Variants in KCNMA1 observed in about 807,000 individuals in gnomAD.
KCNMA1 encodes Calcium-activated potassium channel subunit alpha-1.
KCNMA1 carries 29 observed loss-of-function variants against 140.0 expected under a neutral mutation model. The ratio of observed to expected loss-of-function variants is 0.21; its 90% confidence interval spans 0.15 to 0.28. The LOEUF (loss-of-function observed/expected upper bound fraction) is 0.28. KCNMA1 is among the 10% of genes least tolerant of loss of function. The pLI is 1.00. For missense variants in KCNMA1, 880 were observed against 1,602.2 expected (o/e 0.55, Z 7.70); for synonymous variants, 612 against 611.9 (o/e 1.00, Z 0.00).
At chr10:77,175,314 G>T (rs1482990426) in intron 5 of KCNMA1, among the ~76,000 whole-genome samples, 3 of 152,196 alleles carry the variant, frequency 2.0e-5, no homozygotes, top group Non-Finnish European at 2.9e-5. Context: ...CTTGGGCTAT[G>T]AATATTTACT....
At chr10:77,263,364 T>C (rs188805550) in intron 2 of KCNMA1, among the ~76,000 whole-genome samples, 49 of 152,298 alleles carry the variant, frequency 3.2e-4, no homozygotes, top group African/African-American at 1.2e-3. Context: ...TCGGTAACTG[T>C]AGCTAAAGTC....
intron 1 of KCNMA1, among the ~76,000 whole-genome samples, chr10:77,529,317 A>T (rs1225225270): frequency 6.6e-6 from 1 of 151,222 alleles, no homozygotes; most frequent in Admixed American, 6.6e-5. Context: ...CCAGGAGTGC[A>T]GCCCCTGCCA....
At chr10:77,504,392 G>C (rs974796114) in intron 1 of KCNMA1, among the ~76,000 whole-genome samples, 1 of 152,082 alleles carries the variant, frequency 6.6e-6, no homozygotes, top group Non-Finnish European at 1.5e-5. Flanking sequence ...CCATGGAGTG[G>C]GAAGGCAGTG....
chr10:77,138,118 C>T (rs1436552877), intron 5 of KCNMA1, among the ~76,000 whole-genome samples: 2 of 152,192 alleles, frequency 1.3e-5, no homozygotes, highest in South Asian at 2.1e-4. Flanking sequence ...GCTTCCACCA[C>T]CCCTTGTGGT....
intron 12 of KCNMA1, among the ~76,000 whole-genome samples, chr10:77,083,821 C>T (rs916829546): frequency 1.5e-4 from 18 of 120,140 alleles, no homozygotes; most frequent in Non-Finnish European, 2.7e-4. Context: ...GGCGATAGTG[C>T]GAGACTCTGT....
chr10:77,012,196 A>T, intron 17 of KCNMA1, 153 bp from the exon 18 acceptor site: 6 of 1,516,394 alleles, frequency 4.0e-6, no homozygotes, highest in Non-Finnish European at 5.3e-6. Context: ...GCAGACGGAA[A>T]TGTTTGTTGC....
intron 5 of KCNMA1, among the ~76,000 whole-genome samples, chr10:77,177,456 CT>C (rs1033124708): frequency 4.0e-5 from 6 of 148,610 alleles, no homozygotes; most frequent in African/African-American, 1.5e-4. Flanking sequence ...TTTCCTTCCT[CT>C]TTCTCTGTTT....
intron 1 of KCNMA1, among the ~76,000 whole-genome samples, chr10:77,508,623 TC>T (rs2047161335): frequency 1.4e-5 from 2 of 143,752 alleles, no homozygotes; most frequent in African/African-American, 2.6e-5. Flanking sequence ...TCCCTCTCTC[TC>T]TCTTTTTTTC....
rs45527834 is a variant in KCNMA1, at chr10:76,891,672, G to A, written c.3195C>T (p.Thr1065=). The A allele has an allele frequency of 7.9e-3, 12,695 of 1,614,022 alleles. 72 individuals are homozygous for A. The highest frequency in any genetic ancestry group is 9.3e-3 in the Non-Finnish European group (10,934 of 1,179,972). The stretch of plus-strand genomic sequence containing the variant: ...CCTCCAGCTCCGGCGTGGCTCCTCC[G>A]GTCACCAGGGTCCGTATCAGGGTGA... ...NILTLIRTLV[T]GGATPELEAL... is the part of the protein sequence containing the mutation. Residue 1065 remains threonine (T), a synonymous_variant, in exon 26 of 28, where the codon ACC becomes ACT. Transcript: ENST00000286628.
chr10:77,382,885 AATAT>A lies in KCNMA1; in HGVS notation c.540+20973_540+20976del, dbSNP rs1217045657. ...CGTCTCAAAAAAAAAAAAAAAAAAA[AATAT>A]ATATATATATATATACACACACACA... On this transcript the variant is annotated intron_variant, in intron 2 of 27. Coordinates refer to ENST00000286628, the MANE Select transcript of KCNMA1 (RefSeq NM_001161352.2). 6.9e-3 allele frequency among the ~76,000 whole-genome samples: 631 copies of A among 91,202 alleles called. 42 individuals are homozygous for A. Among genetic ancestry groups the A allele is most frequent in the Middle Eastern group, 0.034 (4 of 118 alleles). The allele number at this position is 91,202 out of a possible 152,430, so 59.8% of individuals were successfully genotyped here. A position where few individuals can be genotyped will look rare whatever the true frequency, so the allele number is the denominator to read the frequency against.
chr10:77,467,354 G>A (rs563764045), intron 1 of KCNMA1, among the ~76,000 whole-genome samples: 8 of 152,308 alleles, frequency 5.3e-5, no homozygotes, highest in East Asian at 3.9e-4. Flanking sequence ...TGGAAAGTCC[G>A]TCTCCGAAGC....
chr10:77,123,131 G>A (rs1233028198), intron 5 of KCNMA1, among the ~76,000 whole-genome samples: 1 of 129,548 alleles, frequency 7.7e-6, no homozygotes, highest in Non-Finnish European at 1.6e-5. Context: ...AGTAAGCCGA[G>A]ATCGCGCCAC....
intron 2 of KCNMA1, among the ~76,000 whole-genome samples, chr10:77,339,303 C>A (rs555988358): frequency 6.6e-6 from 1 of 152,200 alleles, no homozygotes; most frequent in Non-Finnish European, 1.5e-5. Context: ...TTCTGCCAAA[C>A]CCACATTTCT....
chr10:77,179,072 C>T (rs2098779957), intron 5 of KCNMA1, among the ~76,000 whole-genome samples: 1 of 152,064 alleles, frequency 6.6e-6, no homozygotes, highest in Admixed American at 6.6e-5. Flanking sequence ...AAAGAGAGAC[C>T]GAGGTAATCC....
intron 5 of KCNMA1, among the ~76,000 whole-genome samples, chr10:77,141,597 G>A (rs1447114064): frequency 6.6e-6 from 1 of 152,206 alleles, no homozygotes; most frequent in Non-Finnish European, 1.5e-5. Flanking sequence ...TCAGAACTGT[G>A]AGAAAATAAA....
At chr10:77,033,387 T>A (rs2094088007) in intron 15 of KCNMA1, among the ~76,000 whole-genome samples, 1 of 151,926 alleles carries the variant, frequency 6.6e-6, no homozygotes. Context: ...AGTGGGAAGG[T>A]TTCAGAATAT....
intron 15 of KCNMA1, among the ~76,000 whole-genome samples, chr10:77,036,734 C>T (rs1406393223): frequency 6.6e-6 from 1 of 152,144 alleles, no homozygotes; most frequent in Non-Finnish European, 1.5e-5. Flanking sequence ...TGATATACAA[C>T]ACTACACTCT....
At chr10:77,568,816 G>C (rs1407231030) in intron 1 of KCNMA1, among the ~76,000 whole-genome samples, 105 of 151,616 alleles carry the variant, frequency 6.9e-4, no homozygotes, top group South Asian at 1.3e-3. Context: ...CAGATGACAT[G>C]ATTGTATATC....
At chr10:76,900,124 T>C (rs946763137) in intron 25 of KCNMA1, among the ~76,000 whole-genome samples, 1 of 152,120 alleles carries the variant, frequency 6.6e-6, no homozygotes, top group Non-Finnish European at 1.5e-5. Flanking sequence ...CATATGTTTA[T>C]AAAATGTAGA....
Sources: gnomAD v4.1 joint callset for allele counts (sites outside exome capture counted in the v4.1 genomes callset) on GRCh38, gnomAD v4.1.1 for gene constraint, MANE v1.5 for transcripts, NCBI Gene and HGNC (gene_info 2026-07-23, HGNC 2026-07-21) for gene names.